The following IBTK variants were observed in gnomAD, a reference collection of about 807,000 sequenced individuals.
IBTK encodes the protein inhibitor of Bruton tyrosine kinase, also known as BTK-binding protein.
IBTK carries 83 observed loss-of-function variants against 154.9 expected under a neutral mutation model. The observed-to-expected ratio is 0.54, with a 90% CI of 0.45 to 0.64. The LOEUF (loss-of-function observed/expected upper bound fraction) is 0.64, where lower values mean the gene tolerates loss of function less well. Among genes scored for constraint, IBTK ranks in the 30% least tolerant of loss-of-function variants. IBTK has a pLI of 0.00. For missense variants in IBTK, 1,332 were observed against 1,584.6 expected (o/e 0.84, Z 2.71); for synonymous variants, 515 against 536.1 (o/e 0.96, Z 0.54).
intron 26 of IBTK, chr6:82,174,950 T>C (rs1433361089): frequency 2.2e-6 from 1 of 456,098 alleles, no homozygotes; most frequent in Non-Finnish European, 4.4e-6. Flanking sequence ...TCAAATGTCT[T>C]CTCACTCTTT....
chr6:82,192,158 C>A (rs1768793333), intron 23 of IBTK, among the ~76,000 whole-genome samples: 1 of 151,756 alleles, frequency 6.6e-6, no homozygotes, highest in African/African-American at 2.4e-5. Flanking sequence ...TGTGATATAA[C>A]TGAAATTCCT....
At chr6:82,237,462 A>G (rs547841056) in intron 2 of IBTK, among the ~76,000 whole-genome samples, 133 of 152,210 alleles carry the variant, frequency 8.7e-4, no homozygotes, top group African/African-American at 2.6e-3. Flanking sequence ...AAAAAAAAGG[A>G]AAGTGCTATT....
intron 21 of IBTK, among the ~76,000 whole-genome samples, chr6:82,198,948 G>C (rs1349968778): frequency 6.6e-6 from 1 of 151,820 alleles, no homozygotes; most frequent in Non-Finnish European, 1.5e-5. Context: ...AGACTAAAGA[G>C]ATACTAATAA....
intron 25 of IBTK, among the ~76,000 whole-genome samples, chr6:82,188,491 A>G (rs1768636036): frequency 6.6e-6 from 1 of 152,200 alleles, no homozygotes; most frequent in African/African-American, 2.4e-5. Flanking sequence ...GCTATTACAG[A>G]TAATAAATTA....
intron 6 of IBTK, 29 bp downstream of exon 6, chr6:82,225,448 A>G: frequency 1.3e-6 from 2 of 1,573,128 alleles, no homozygotes; most frequent in Non-Finnish European, 1.7e-6. Context: ...CAAATGTAAA[A>G]CCTTATTATT....
intron 1 of IBTK, among the ~76,000 whole-genome samples, chr6:82,243,415 G>A (rs528515756): frequency 6.6e-6 from 1 of 152,216 alleles, no homozygotes; most frequent in African/African-American, 2.4e-5. Flanking sequence ...TGAAAATTTT[G>A]GAAATAAACA....
At chr6:82,190,631 G>A (rs1003875618) in intron 25 of IBTK, among the ~76,000 whole-genome samples, 2 of 152,112 alleles carry the variant, frequency 1.3e-5, no homozygotes, top group African/African-American at 2.4e-5. Flanking sequence ...TTATAACCAT[G>A]TAAAGATATT....
rs754833607 is a variant in IBTK at position 82,214,214 on chromosome 6, A to G, written c.2204+13T>C. On this transcript the variant is annotated intron_variant, in intron 12 of 28. Coordinates refer to ENST00000306270, the MANE Select transcript of IBTK (RefSeq NM_015525.4). ...AATGAGGTACAGGAACAGATATAAA[A>G]GAGAAATCATACCTACTACTCAAAT... The G allele has an allele frequency of 4.1e-5, 65 of 1,596,816 alleles. No individual in the cohort carries two copies. The South Asian group carries it at 7.3e-4, about 18-fold the overall frequency.
In IBTK at chr6:82,172,436, GTTC is replaced by G. The variant is rs1287491029; in HGVS notation, c.3871_3873del (p.Glu1291del). The G allele has an allele frequency of 2.5e-6, 4 of 1,613,676 alleles. No individual in the cohort carries two copies. Among genetic ancestry groups the G allele is most frequent in the Non-Finnish European group, 3.4e-6 (4 of 1,179,810 alleles). ...CTAATAAGAGCTGCTTCTTGTTGTA[GTTC>G]TTCTTCTACAATAGATGCAAAAGTG... On this transcript the variant is annotated inframe_deletion, in exon 28 of 29. Coordinates refer to ENST00000306270, the MANE Select transcript of IBTK (RefSeq NM_015525.4).
At chr6:82,174,786 A>G in intron 26 of IBTK, 1 of 355,118 alleles carries the variant, frequency 2.8e-6, no homozygotes, top group South Asian at 2.2e-5. Context: ...ACAAACTCAA[A>G]GAATATTATA....
Position 82,173,421 on chromosome 6 carries a change from G to T in IBTK, c.3743C>A (p.Thr1248Asn), listed in dbSNP as rs1465069734. Residue 1248 changes from threonine to asparagine, a missense_variant, in exon 27 of 29, where the codon ACC becomes AAC. Thr to Asn is a moderately conservative substitution (Grantham distance 65). Transcript: ENST00000306270. ...AATATGGTTGCCTTCTGGTCCTGGGGTACCATGGGTAGAGCATCTGCAAAA... is the reference window on the plus strand; with the variant it reads ...AATATGGTTGCCTTCTGGTCCTGGGTTACCATGGGTAGAGCATCTGCAAAA... ...PKIVRCSTHG[T>N]PGPEGNHISD... 4 of 1,613,158 alleles carry T rather than the reference G, an allele frequency of 2.5e-6. No homozygotes were observed. The highest frequency in any genetic ancestry group is 1.7e-5 in the Admixed American group (1 of 59,948).
intron 23 of IBTK, among the ~76,000 whole-genome samples, chr6:82,193,199 C>CTGT: frequency 6.6e-6 from 1 of 151,808 alleles, no homozygotes; most frequent in Middle Eastern, 3.2e-3. Context: ...TTACACTAGG[C>CTGT]AATACTACAA....
At chr6:82,218,161 G>A in intron 9 of IBTK, 24 bp from the exon 10 acceptor site, 2 of 1,482,920 alleles carry the variant, frequency 1.3e-6, no homozygotes, top group Non-Finnish European at 1.8e-6. Context: ...AAATCACATT[G>A]AAATATAAAG....
intron 2 of IBTK, 35 bp downstream of exon 2, chr6:82,240,131 A>G: frequency 6.6e-7 from 1 of 1,526,054 alleles, no homozygotes; most frequent in East Asian, 2.3e-5. Context: ...CATATTCCAG[A>G]CTAAATACGT....
rs371315197 is a variant in IBTK, at chr6:82,210,679, AT to A, written c.2509+134del. On this transcript the variant is annotated intron_variant, in intron 16 of 28. Coordinates refer to ENST00000306270, the MANE Select transcript of IBTK (RefSeq NM_015525.4). The stretch of plus-strand genomic sequence containing the variant: ...GGTCTCCATAAATAATAAAAAATAA[AT>A]TAAATATTTTAAAAATAAAATAAAT... The A allele has an allele frequency of 1.6e-3, 536 of 326,026 alleles. 5 individuals are homozygous for A. Among genetic ancestry groups the A allele is most frequent in the African/African-American group, 0.011 (478 of 45,314 alleles). The allele number at this position is 326,026 out of a possible 1,614,324, so 20.2% of individuals were successfully genotyped here. A position where few individuals can be genotyped will look rare whatever the true frequency, so the allele number is the denominator to read the frequency against.
chr6:82,244,518 T>C (rs1038488729), intron 1 of IBTK, among the ~76,000 whole-genome samples: 11 of 152,210 alleles, frequency 7.2e-5, no homozygotes, highest in African/African-American at 2.2e-4. Flanking sequence ...TCGCTTCCCC[T>C]GTCCTTCAAA....
At chr6:82,211,849 A>T (rs536020737) in intron 13 of IBTK, among the ~76,000 whole-genome samples, 10 of 152,290 alleles carry the variant, frequency 6.6e-5, no homozygotes, top group African/African-American at 2.4e-4. Context: ...TGTTAATAAT[A>T]TAATACTAAG....
At chr6:82,219,893 A>G (rs1272799496) in intron 9 of IBTK, among the ~76,000 whole-genome samples, 2 of 152,130 alleles carry the variant, frequency 1.3e-5, no homozygotes, top group Non-Finnish European at 2.9e-5. Flanking sequence ...AATTTATCAT[A>G]TTGCCTGATC....
intron 26 of IBTK, among the ~76,000 whole-genome samples, chr6:82,179,871 C>T (rs1301795828): frequency 6.6e-6 from 1 of 151,966 alleles, no homozygotes; most frequent in Non-Finnish European, 1.5e-5. Context: ...GAATCTTACA[C>T]AAGAAAGGAA....
Sources: gnomAD v4.1 joint callset for allele counts (sites outside exome capture counted in the v4.1 genomes callset) on GRCh38, gnomAD v4.1.1 for gene constraint, MANE v1.5 for transcripts, NCBI Gene and HGNC (gene_info 2026-07-23, HGNC 2026-07-21) for gene names.